LRRC4C: variants seen among roughly 807,000 people sequenced by gnomAD.
LRRC4C encodes leucine-rich repeat-containing protein 4C.
In LRRC4C, 5 loss-of-function variants were observed where a neutral mutation model predicts 33.6. The ratio of observed to expected loss-of-function variants is 0.15; its 90% CI spans 0.08 to 0.31. The LOEUF (loss-of-function observed/expected upper bound fraction) is 0.31. Ranked by LOEUF, LRRC4C falls within the 10% of genes least tolerant of loss-of-function variation. LRRC4C has a pLI of 1.00. For synonymous variants in LRRC4C, 329 were observed against 302.0 expected (o/e 1.09, Z -0.93); for missense variants, 560 against 796.7 (o/e 0.70, Z 3.58).
At chr11:40,761,640 C>T (rs1032632310) in intron 2 of LRRC4C, among the ~76,000 whole-genome samples, 3 of 152,088 alleles carry the variant, frequency 2.0e-5, no homozygotes, top group Non-Finnish European at 4.4e-5. Flanking sequence ...GCAAAACACA[C>T]TTATTATTAT....
chr11:40,334,780 C>A lies in LRRC4C; in HGVS notation c.-269-15059G>T, dbSNP rs373231171. ...CCTATCTCAAATTTTTACTTTATTT[C>A]TTTTTTCTCTCCCTTTTATCTTTCC... On this transcript the variant is annotated intron_variant, in intron 3 of 6. Transcript: ENST00000528697. Among the ~76,000 whole-genome samples, 7 of 152,180 alleles carry A rather than the reference C, an allele frequency of 4.6e-5. No individual in the cohort carries two copies. The South Asian group carries it at 1.2e-3, about 27-fold the overall frequency.
chr11:40,385,634 C>T (rs1355838585), intron 3 of LRRC4C, among the ~76,000 whole-genome samples: 2 of 151,614 alleles, frequency 1.3e-5, no homozygotes, highest in African/African-American at 4.8e-5. Flanking sequence ...TTTGGGAGGC[C>T]GAGGTGGGCA....
chr11:40,613,881 A>C (rs955713738), intron 3 of LRRC4C, among the ~76,000 whole-genome samples: 1 of 151,870 alleles, frequency 6.6e-6, no homozygotes, highest in Admixed American at 6.6e-5. Context: ...ATTTTTTGAA[A>C]TAAATCTTTT....
intron 1 of LRRC4C, among the ~76,000 whole-genome samples, chr11:41,042,484 G>T (rs567608891): frequency 9.2e-5 from 14 of 152,266 alleles, no homozygotes; most frequent in Admixed American, 3.9e-4. Flanking sequence ...GAGACCATAA[G>T]GAGTGTAGGT....
intron 1 of LRRC4C, among the ~76,000 whole-genome samples, chr11:40,955,771 T>C (rs1040591427): frequency 1.3e-5 from 2 of 151,858 alleles, no homozygotes; most frequent in African/African-American, 4.8e-5. Context: ...CATGTACTCA[T>C]AGAGGAAAGC....
chr11:40,618,965 C>T (rs1180238563), intron 3 of LRRC4C, among the ~76,000 whole-genome samples: 1 of 151,648 alleles, frequency 6.6e-6, no homozygotes. Flanking sequence ...ATTCCCCACT[C>T]AAAGGTCCGG....
intron 1 of LRRC4C, among the ~76,000 whole-genome samples, chr11:41,311,705 C>T (rs1301545979): frequency 6.6e-6 from 1 of 152,110 alleles, no homozygotes; most frequent in African/African-American, 2.4e-5. Flanking sequence ...CATTATTTTA[C>T]CAGCTAGAAT....
At chr11:40,978,912 G>A (rs562291587) in intron 1 of LRRC4C, among the ~76,000 whole-genome samples, 271 of 152,076 alleles carry the variant, frequency 1.8e-3, no homozygotes, top group Non-Finnish European at 3.6e-3. Context: ...GATTGCAGGG[G>A]TGAGCCATCA....
intron 3 of LRRC4C, among the ~76,000 whole-genome samples, chr11:40,375,726 C>T (rs999997661): frequency 1.3e-5 from 2 of 152,002 alleles, no homozygotes; most frequent in Non-Finnish European, 2.9e-5. Context: ...ATAGATTAAC[C>T]AACATATAAA....
At chr11:41,068,961 C>A (rs948360100) in intron 1 of LRRC4C, among the ~76,000 whole-genome samples, 2 of 152,008 alleles carry the variant, frequency 1.3e-5, no homozygotes, top group African/African-American at 4.8e-5. Flanking sequence ...GGAAAAGATA[C>A]ATCAAAAAAA....
chr11:41,200,987 T>A (rs1946378920), intron 1 of LRRC4C, among the ~76,000 whole-genome samples: 1 of 152,150 alleles, frequency 6.6e-6, no homozygotes, highest in Non-Finnish European at 1.5e-5. Flanking sequence ...TGTATGCATT[T>A]TATATAGCAG....
intron 2 of LRRC4C, among the ~76,000 whole-genome samples, chr11:40,894,368 A>G (rs1955847344): frequency 6.6e-6 from 1 of 152,114 alleles, no homozygotes; most frequent in Non-Finnish European, 1.5e-5. Flanking sequence ...TTTCTGAGGG[A>G]TGTTCCAGCG....
At chr11:40,504,603 A>G (rs922263524) in intron 3 of LRRC4C, among the ~76,000 whole-genome samples, 8 of 152,156 alleles carry the variant, frequency 5.3e-5, no homozygotes, top group East Asian at 3.9e-4. Context: ...GGCAGAAATG[A>G]TTAGCTTGGA....
At chr11:40,741,776 A>G (rs1352492034) in intron 2 of LRRC4C, among the ~76,000 whole-genome samples, 2 of 152,092 alleles carry the variant, frequency 1.3e-5, no homozygotes, top group African/African-American at 4.8e-5. Flanking sequence ...ATCACAATTT[A>G]GAATGATCTG....
At chr11:40,627,928 T>G (rs1240744071) in intron 3 of LRRC4C, among the ~76,000 whole-genome samples, 1 of 152,178 alleles carries the variant, frequency 6.6e-6, no homozygotes, top group Non-Finnish European at 1.5e-5. Flanking sequence ...ATGTTGGTTT[T>G]TTGGAGCAAT....
intron 1 of LRRC4C, among the ~76,000 whole-genome samples, chr11:40,965,093 G>A: frequency 6.6e-6 from 1 of 152,028 alleles, no homozygotes; most frequent in Non-Finnish European, 1.5e-5. Flanking sequence ...TCTCATTGTG[G>A]TTTTGATTTG....
At chr11:41,250,731 C>T (rs547751343) in intron 1 of LRRC4C, among the ~76,000 whole-genome samples, 2 of 152,146 alleles carry the variant, frequency 1.3e-5, no homozygotes, top group Non-Finnish European at 2.9e-5. Context: ...CATAAAACCA[C>T]CTCAAATTAA....
intron 1 of LRRC4C, among the ~76,000 whole-genome samples, chr11:41,102,426 C>A (rs1941246179): frequency 6.6e-6 from 1 of 151,772 alleles, no homozygotes; most frequent in East Asian, 1.9e-4. Context: ...GTGTGTTTTC[C>A]AAAATTATTA....
chr11:40,689,008 C>T (rs1046804045), intron 2 of LRRC4C, among the ~76,000 whole-genome samples: 21 of 151,872 alleles, frequency 1.4e-4, no homozygotes, highest in Admixed American at 3.9e-4. Context: ...TGGAAAACAG[C>T]GGATGAGGAT....
Sources: allele counts gnomAD v4.1 joint callset (sites outside exome capture counted in the v4.1 genomes callset), GRCh38; gene constraint gnomAD v4.1.1; transcripts MANE v1.5; gene names NCBI Gene and HGNC (gene_info 2026-07-23, HGNC 2026-07-21).